Variants in PRKACB observed in about 807,000 individuals in gnomAD.
The protein encoded by PRKACB is protein kinase cAMP-activated catalytic subunit beta.
Under a neutral mutation model 51.4 loss-of-function variants are expected in PRKACB, and 16 were observed. The ratio of observed to expected loss-of-function variants is 0.31; its 90% CI spans 0.21 to 0.47. The LOEUF (loss-of-function observed/expected upper bound fraction) is 0.47, where lower values mean the gene tolerates loss of function less well. Among genes scored for constraint, PRKACB ranks in the 20% least tolerant of loss-of-function variants. PRKACB has a pLI of 1.00. For missense variants in PRKACB, 309 were observed against 464.5 expected (o/e 0.67, Z 3.08); for synonymous variants, 147 against 154.4 (o/e 0.95, Z 0.35).
chr1:84,191,048 T>C (rs1354339756), intron 5 of PRKACB, among the ~76,000 whole-genome samples: 2 of 152,092 alleles, frequency 1.3e-5, no homozygotes, highest in Non-Finnish European at 2.9e-5. Context: ...TGTGAGATTT[T>C]GATCCTGTTA....
intron 1 of PRKACB, chr1:84,175,747 C>A: frequency 6.8e-7 from 1 of 1,479,800 alleles, no homozygotes; most frequent in Non-Finnish European, 9.1e-7. Flanking sequence ...TTTTTTTCAT[C>A]TCTTGAATGT....
chr1:84,226,472 A>G (rs1302907275), intron 9 of PRKACB, among the ~76,000 whole-genome samples: 1 of 152,076 alleles, frequency 6.6e-6, no homozygotes, highest in East Asian at 1.9e-4. Context: ...ATGTCTTAAA[A>G]TTATTGCTTA....
intron 1 of PRKACB, among the ~76,000 whole-genome samples, chr1:84,126,190 T>A (rs1651588633): frequency 6.6e-6 from 1 of 152,104 alleles, no homozygotes; most frequent in Non-Finnish European, 1.5e-5. Flanking sequence ...GTTTAACAGA[T>A]CAGTGGAGGG....
chr1:84,179,011 G>A, intron 1 of PRKACB, 166 bp from the exon 2 acceptor site: 1 of 729,066 alleles, frequency 1.4e-6, no homozygotes, highest in Non-Finnish European at 2.0e-6. Context: ...AAGGTTCTTA[G>A]AGATACTAAA....
At chr1:84,158,468 A>C (rs554978784) in intron 1 of PRKACB, among the ~76,000 whole-genome samples, 2 of 152,272 alleles carry the variant, frequency 1.3e-5, no homozygotes, top group East Asian at 3.9e-4. Flanking sequence ...TTGTGTATGT[A>C]CTTTGGAGAA....
intron 1 of PRKACB, among the ~76,000 whole-genome samples, chr1:84,172,076 A>G (rs967295667): frequency 2.6e-5 from 4 of 151,600 alleles, no homozygotes; most frequent in African/African-American, 9.7e-5. Flanking sequence ...CAAAAAATGG[A>G]AAGTCCAACA....
intron 1 of PRKACB, among the ~76,000 whole-genome samples, chr1:84,123,924 T>A (rs1235899875): frequency 2.6e-5 from 4 of 152,210 alleles, no homozygotes; most frequent in Admixed American, 2.6e-4. Context: ...CACTCAATAA[T>A]ATTAAATTAA....
chr1:84,220,476 A>G (rs1391127339), intron 9 of PRKACB, among the ~76,000 whole-genome samples: 2 of 152,164 alleles, frequency 1.3e-5, no homozygotes, highest in South Asian at 2.1e-4. Flanking sequence ...TTCCATTACT[A>G]TGTTGAATAG....
intron 5 of PRKACB, among the ~76,000 whole-genome samples, chr1:84,188,577 A>G (rs1665863924): frequency 6.6e-6 from 1 of 151,964 alleles, no homozygotes. Context: ...AACCAGAATT[A>G]TGAATAACGT....
intron 1 of PRKACB, among the ~76,000 whole-genome samples, chr1:84,175,286 A>G (rs1333898678): frequency 1.3e-5 from 2 of 151,894 alleles, no homozygotes; most frequent in South Asian, 2.1e-4. Context: ...CTGTAGCACC[A>G]TGAAACAGTA....
chr1:84,187,826 C>T (rs1198308801), intron 5 of PRKACB, among the ~76,000 whole-genome samples: 1 of 152,044 alleles, frequency 6.6e-6, no homozygotes, highest in African/African-American at 2.4e-5. Context: ...GAAGCCGAAC[C>T]AAGGCAGTCT....
chr1:84,146,185 G>A (rs761712441), intron 1 of PRKACB, among the ~76,000 whole-genome samples: 22 of 150,946 alleles, frequency 1.5e-4, no homozygotes, highest in Admixed American at 2.6e-4. Context: ...TAGGATTCTT[G>A]TACACAAATA....
chr1:84,128,934 A>G (rs1457073593), intron 1 of PRKACB, among the ~76,000 whole-genome samples: 2 of 152,222 alleles, frequency 1.3e-5, no homozygotes, highest in East Asian at 3.8e-4. Context: ...CTGAGGAACT[A>G]AATTTTTAAT....
At chr1:84,128,917 C>T (rs1258925179) in intron 1 of PRKACB, among the ~76,000 whole-genome samples, 4 of 152,132 alleles carry the variant, frequency 2.6e-5, no homozygotes, top group African/African-American at 9.7e-5. Flanking sequence ...AATCATGGCT[C>T]ATGTGACTGA....
At chr1:84,086,122 G>T (rs1647963763) in intron 1 of PRKACB, 1 of 1,566,100 alleles carries the variant, frequency 6.4e-7, no homozygotes, top group Non-Finnish European at 8.8e-7. Context: ...AGTATGAGGT[G>T]TTGGTGGTGC....
At chr1:84,080,089 T>C (rs969263503) in intron 1 of PRKACB, among the ~76,000 whole-genome samples, 1 of 152,244 alleles carries the variant, frequency 6.6e-6, no homozygotes, top group East Asian at 1.9e-4. Flanking sequence ...AATTTAAAGC[T>C]CTATTAACTT....
At chr1:84,142,728 G>T (rs1342925710), upstream of PRKACB, among the ~76,000 whole-genome samples, 2 of 152,156 alleles carry the variant, frequency 1.3e-5, no homozygotes, top group Admixed American at 1.3e-4. Context: ...TTATCTTATA[G>T]ATACTGTTAC....
intron 1 of PRKACB, among the ~76,000 whole-genome samples, chr1:84,125,400 A>AT (rs984218463): frequency 1.3e-5 from 2 of 152,050 alleles, no homozygotes; most frequent in Non-Finnish European, 2.9e-5. Flanking sequence ...TCAAGAGCAA[A>AT]TTTTTTTAGA....
Position 84,144,558 on chromosome 1 carries a change from G to C in PRKACB, c.187+10G>C. 1 of 1,548,674 alleles carries C rather than the reference G, an allele frequency of 6.5e-7. No individual in the cohort carries two copies. The highest frequency in any genetic ancestry group is 8.6e-7 in the Non-Finnish European group (1 of 1,157,552). ...TTATGGGACAGATCAAGTAAGTTTTGTTTTTTAAATGATACATTATAACTA... is the reference window on the plus strand; with the variant it reads ...TTATGGGACAGATCAAGTAAGTTTTCTTTTTTAAATGATACATTATAACTA... On this transcript the variant is annotated intron_variant, in intron 1 of 9. Coordinates refer to ENST00000370685, the MANE Select transcript of PRKACB (RefSeq NM_182948.4).
Sources: allele counts gnomAD v4.1 joint callset (sites outside exome capture counted in the v4.1 genomes callset), GRCh38; gene constraint gnomAD v4.1.1; transcripts MANE v1.5; gene names NCBI Gene and HGNC (gene_info 2026-07-23, HGNC 2026-07-21).